Variants in FNDC3B observed in about 807,000 individuals in gnomAD.
The protein encoded by FNDC3B is fibronectin type III domain containing 3B, also known as fibronectin type III domain-containing protein 3B.
FNDC3B carries 12 observed loss-of-function variants against 151.5 expected under a neutral mutation model. That is an observed-to-expected ratio of 0.08 (90% confidence interval 0.05 to 0.13). FNDC3B has a LOEUF of 0.13. Among genes scored for constraint, FNDC3B ranks in the 10% least tolerant of loss-of-function variants. The probability of loss-of-function intolerance (pLI) is 1.00; values close to 1 mark genes in which losing one functional copy is unlikely to be tolerated. For synonymous variants in FNDC3B, 528 were observed against 549.0 expected, an observed-to-expected ratio of 0.96 and a Z score of 0.54; for missense variants, 1,214 against 1,505.3, an observed-to-expected ratio of 0.81 and a Z score of 3.20.
At chr3:172,173,670 A>T (rs1025826053) in intron 3 of FNDC3B, among the ~76,000 whole-genome samples, 16 of 151,920 alleles carry the variant, frequency 1.1e-4, no homozygotes, top group Admixed American at 2.0e-4. Flanking sequence ...AAATAAAAAA[A>T]ATTAGCCAGG....
intron 11 of FNDC3B, among the ~76,000 whole-genome samples, chr3:172,316,935 G>A (rs796905120): frequency 2.6e-5 from 4 of 152,318 alleles, no homozygotes; most frequent in African/African-American, 9.6e-5. Flanking sequence ...ACTTGTATCT[G>A]GCAAGGGCCT....
At chr3:172,149,780 T>G (rs543273308) in intron 3 of FNDC3B, among the ~76,000 whole-genome samples, 1 of 148,410 alleles carries the variant, frequency 6.7e-6, no homozygotes, top group South Asian at 2.1e-4. Flanking sequence ...TTAAAAAAGC[T>G]TGTGTATACC....
chr3:172,342,326 A>G lies in FNDC3B; in HGVS notation c.1972-685A>G, dbSNP rs1264405037. Among the ~76,000 whole-genome samples the G allele has an allele frequency of 3.3e-5, 5 of 152,204 alleles. 1 individual carries two copies. Among genetic ancestry groups the G allele is most frequent in the Non-Finnish European group, 4.4e-5 (3 of 68,030 alleles). On this transcript the variant is annotated intron_variant, in intron 17 of 25. Transcript: ENST00000415807. ...GCTGAGATTATCAGTGGTCCTTCCT[A>G]TGTGTGAGGCACTACACAAGGTGGC...
rs572866171 is a variant in FNDC3B, at chr3:172,067,869, T to G, written c.-29+28098T>G. ...TATAGGTGTTTCCTTCTCCTGTCTG[T>G]TTTGAAGAGACTTCCTCTGGGAATT... On this transcript the variant is annotated intron_variant, in intron 1 of 25. Coordinates refer to ENST00000415807, the MANE Select transcript of FNDC3B (RefSeq NM_022763.4). Among the ~76,000 whole-genome samples the G allele has an allele frequency of 1.1e-4, 17 of 152,310 alleles. No individual in the cohort carries two copies. In the East Asian group the frequency reaches 3.3e-3, roughly 29 times the overall value.
At position 172,170,232 on chromosome 3, in the gene FNDC3B, G is replaced by T. The variant is rs144440949; in HGVS notation, c.187+36686G>T. Among the ~76,000 whole-genome samples, 229 of 152,342 alleles carry T rather than the reference G, an allele frequency of 1.5e-3. 2 individuals are homozygous for T. The highest frequency in any genetic ancestry group is 5.4e-3 in the African/African-American group (223 of 41,582). ...ACATTTTCCTTCCAAGGAACTGGCA[G>T]TATCTCCTCTGTTACTCTCAGTTGA... is the stretch of plus-strand genomic sequence containing the variant. On this transcript the variant is annotated intron_variant, in intron 3 of 25. Coordinates refer to ENST00000415807, the MANE Select transcript of FNDC3B (RefSeq NM_022763.4).
intron 2 of FNDC3B, among the ~76,000 whole-genome samples, chr3:172,122,282 C>CTT (rs58869685): frequency 6.6e-6 from 1 of 150,554 alleles, no homozygotes; most frequent in African/African-American, 2.4e-5. Context: ...CATTCTCGTT[C>CTT]TTTTTTTTTT....
chr3:172,058,263 T>A (rs533312518), intron 1 of FNDC3B, among the ~76,000 whole-genome samples: 1 of 151,104 alleles, frequency 6.6e-6, no homozygotes, highest in South Asian at 2.1e-4. Flanking sequence ...AATCTGTATA[T>A]TCATTAGGGT....
At chr3:172,140,527 C>T (rs1056076240) in intron 3 of FNDC3B, among the ~76,000 whole-genome samples, 12 of 152,194 alleles carry the variant, frequency 7.9e-5, no homozygotes, top group African/African-American at 2.2e-4. Context: ...ACATTCCATA[C>T]GCTGACCTGA....
At chr3:172,106,534 G>GT (rs1358637513) in intron 1 of FNDC3B, among the ~76,000 whole-genome samples, 1 of 152,200 alleles carries the variant, frequency 6.6e-6, no homozygotes, top group Non-Finnish European at 1.5e-5. Flanking sequence ...TTTGCGTACT[G>GT]TACTGCTAAC....
Position 172,347,691 on chromosome 3 carries a change from G to C in FNDC3B, c.2514+330G>C, listed in dbSNP as rs541596995. On this transcript the variant is annotated intron_variant, in intron 21 of 25. Transcript: ENST00000415807. ...CAGCTCCTTAGGGAAGGAGCCTTCTGTCTCATTCCCCTGAGATGTACATTT... is the reference window on the plus strand; with the variant it reads ...CAGCTCCTTAGGGAAGGAGCCTTCTCTCTCATTCCCCTGAGATGTACATTT... 1.1e-4 allele frequency among the ~76,000 whole-genome samples: 17 copies of C among 152,272 alleles called. No homozygotes were observed. In the South Asian group the frequency reaches 3.1e-3, roughly 28 times the overall value.
intron 3 of FNDC3B, among the ~76,000 whole-genome samples, chr3:172,165,743 C>A (rs1286740573): frequency 2.0e-5 from 3 of 152,156 alleles, no homozygotes; most frequent in Admixed American, 6.5e-5. Flanking sequence ...CAGAAGATGT[C>A]CACATTAGAG....
intron 3 of FNDC3B, among the ~76,000 whole-genome samples, chr3:172,173,091 T>A (rs1553768984): frequency 7.0e-6 from 1 of 142,274 alleles, no homozygotes; most frequent in South Asian, 2.3e-4. Context: ...CCCTTTCCCC[T>A]TTTCAGAAGT....
chr3:172,380,851 GGGCAAACACA>G, intron 24 of FNDC3B, 105 bp from the exon 25 acceptor site: 1 of 1,231,868 alleles, frequency 8.1e-7, no homozygotes, highest in Non-Finnish European at 1.2e-6. Flanking sequence ...TCCTCTCTCA[GGGCAAACACA>G]GGCACAATCT....
At chr3:172,107,185 G>A (rs1490797949) in intron 1 of FNDC3B, among the ~76,000 whole-genome samples, 2 of 152,132 alleles carry the variant, frequency 1.3e-5, no homozygotes, top group African/African-American at 4.8e-5. Context: ...AAGCACTTGC[G>A]GTTTTAGTGT....
At chr3:172,076,069 G>A (rs970507646) in intron 1 of FNDC3B, among the ~76,000 whole-genome samples, 1 of 151,926 alleles carries the variant, frequency 6.6e-6, no homozygotes, top group South Asian at 2.1e-4. Context: ...TTTTTCTTTC[G>A]TGATTTGATA....
At chr3:172,335,375 C>G (rs892115351) in intron 15 of FNDC3B, 2 of 225,052 alleles carry the variant, frequency 8.9e-6, no homozygotes, top group Non-Finnish European at 1.7e-5. Flanking sequence ...ATATTTTTTT[C>G]TCCTATATTT....
chr3:172,375,340 A>G (rs898427659), intron 23 of FNDC3B, among the ~76,000 whole-genome samples: 22 of 152,196 alleles, frequency 1.4e-4, no homozygotes, highest in African/African-American at 5.3e-4. Context: ...GACAGGGTAC[A>G]TCAGTGTTTC....
chr3:172,183,121 GTTC>G (rs1185819789), intron 3 of FNDC3B, among the ~76,000 whole-genome samples: 1 of 152,168 alleles, frequency 6.6e-6, no homozygotes. Flanking sequence ...GGTCATCCTT[GTTC>G]TTCTTTGTGT....
intron 1 of FNDC3B, among the ~76,000 whole-genome samples, chr3:172,103,538 A>G (rs559733128): frequency 3.3e-4 from 51 of 152,276 alleles, no homozygotes; most frequent in Non-Finnish European, 6.9e-4. Flanking sequence ...AAAAGCATCT[A>G]TGGATTCTTG....
Sources: allele counts gnomAD v4.1 joint callset (sites outside exome capture counted in the v4.1 genomes callset), GRCh38; gene constraint gnomAD v4.1.1; transcripts MANE v1.5; gene names NCBI Gene and HGNC (gene_info 2026-07-23, HGNC 2026-07-21).